PAK2: variants seen among roughly 807,000 people sequenced by gnomAD.
PAK2 encodes p21 (RAC1) activated kinase 2.
In PAK2, 21 loss-of-function variants were observed where a neutral mutation model predicts 65.9. That is an observed-to-expected ratio of 0.32 (90% CI 0.23 to 0.46). The LOEUF (loss-of-function observed/expected upper bound fraction) is 0.46, where lower values mean the gene tolerates loss of function less well. Among genes scored for constraint, PAK2 ranks in the 20% least tolerant of loss-of-function variants. The pLI, the probability that PAK2 is intolerant of heterozygous loss-of-function variation, is 1.00. For synonymous variants in PAK2, 204 were observed against 219.7 expected, an observed-to-expected ratio of 0.93 and a Z score of 0.63; for missense variants, 324 against 642.6, an observed-to-expected ratio of 0.50 and a Z score of 5.36.
chr3:196,828,299 T>C lies in PAK2; in HGVS notation c.1489-20T>C, dbSNP rs543859259. 2.7e-6 allele frequency: 4 copies of C among 1,472,116 alleles called. No homozygotes were observed. The South Asian group carries it at 4.6e-5, about 17-fold the overall frequency. 91.2% of individuals were successfully genotyped at this position (1,472,116 alleles called of 1,614,324 possible). ...GATGAATGGCACTTATACATTTATT[T>C]TTCCCCTTCTTTCTGGCAGCATCCT... On this transcript the variant is annotated intron_variant, in intron 14 of 14. Transcript: ENST00000327134.
At chr3:196,777,995 C>T (rs1294076098) in intron 1 of PAK2, among the ~76,000 whole-genome samples, 1 of 152,178 alleles carries the variant, frequency 6.6e-6, no homozygotes, top group Non-Finnish European at 1.5e-5. Flanking sequence ...CATACCGGAA[C>T]ATTTGCGTCC....
At chr3:196,769,504 C>T (rs1414008969) in intron 1 of PAK2, among the ~76,000 whole-genome samples, 1 of 151,866 alleles carries the variant, frequency 6.6e-6, no homozygotes, top group African/African-American at 2.4e-5. Context: ...GCATTTTCAT[C>T]ATCCCAAGCA....
intron 2 of PAK2, among the ~76,000 whole-genome samples, chr3:196,799,113 A>G (rs755151379): frequency 6.6e-6 from 1 of 152,188 alleles, no homozygotes; most frequent in Non-Finnish European, 1.5e-5. Context: ...AGTAAACTTG[A>G]TTTTATTCAC....
chr3:196,781,962 C>T (rs998129356), intron 1 of PAK2, among the ~76,000 whole-genome samples: 3 of 152,034 alleles, frequency 2.0e-5, no homozygotes, highest in Non-Finnish European at 4.4e-5. Context: ...AAAAATTAGC[C>T]GAAAGTGGTG....
In PAK2 at chr3:196,812,196, GGTTGT is replaced by G. The variant is rs1010844597; in HGVS notation, c.774-20_774-16del. On this transcript the variant is annotated intron_variant, in intron 8 of 14. Transcript: ENST00000327134. ...CTAGTGATTTATCAACCTTAAATCT[GGTTGT>G]GTGTTTTCTCCCTCTAGGGCTTCTG... The G allele has an allele frequency of 2.8e-6, 4 of 1,424,064 alleles. No homozygotes were observed. The African/African-American group carries it at 4.2e-5, about 15-fold the overall frequency. The allele number at this position is 1,424,064 out of a possible 1,614,324, so 88.2% of individuals were successfully genotyped here.
intron 1 of PAK2, among the ~76,000 whole-genome samples, chr3:196,763,497 G>A (rs917691784): frequency 5.9e-5 from 9 of 152,014 alleles, no homozygotes; most frequent in Non-Finnish European, 1.2e-4. Context: ...ATCCGTTTTC[G>A]GAATGGACAG....
intron 1 of PAK2, among the ~76,000 whole-genome samples, chr3:196,755,366 C>CG (rs1713733218): frequency 6.6e-6 from 1 of 152,122 alleles, no homozygotes; most frequent in Non-Finnish European, 1.5e-5. Flanking sequence ...ACCCTCCCTC[C>CG]CCATTTTTCC....
intron 1 of PAK2, among the ~76,000 whole-genome samples, chr3:196,762,940 A>T (rs753545290): frequency 6.6e-6 from 1 of 152,234 alleles, no homozygotes; most frequent in South Asian, 2.1e-4. Context: ...ATGAAAAAAC[A>T]TAATTGACTG....
chr3:196,745,661 A>C (rs1313073311), intron 1 of PAK2, among the ~76,000 whole-genome samples: 1 of 152,084 alleles, frequency 6.6e-6, no homozygotes, highest in Non-Finnish European at 1.5e-5. Context: ...GAAAACACAA[A>C]AAATTAGCTG....
intron 13 of PAK2, among the ~76,000 whole-genome samples, chr3:196,823,027 A>G (rs184454350): frequency 3.8e-4 from 58 of 152,204 alleles, no homozygotes; most frequent in African/African-American, 1.0e-3. Context: ...AAATGGGGAA[A>G]CTGTTAGAGA....
At chr3:196,749,256 A>G (rs984753518) in intron 1 of PAK2, among the ~76,000 whole-genome samples, 2 of 152,136 alleles carry the variant, frequency 1.3e-5, no homozygotes, top group Non-Finnish European at 1.5e-5. Flanking sequence ...TATTTCGGGT[A>G]CATACCCAGA....
At chr3:196,779,526 CA>C (rs1714640033) in intron 1 of PAK2, among the ~76,000 whole-genome samples, 1 of 152,108 alleles carries the variant, frequency 6.6e-6, no homozygotes, top group Non-Finnish European at 1.5e-5. Flanking sequence ...TGCTGTTAAC[CA>C]AAAAACTGGA....
chr3:196,759,397 GT>G (rs1175559528), intron 1 of PAK2, among the ~76,000 whole-genome samples: 8 of 147,592 alleles, frequency 5.4e-5, no homozygotes, highest in Non-Finnish European at 8.9e-5. Flanking sequence ...GGCCCAATTG[GT>G]TTCTTTCTTT....
At position 196,805,399 on chromosome 3, in the gene PAK2, T is replaced by C; in HGVS notation, c.468+16T>C. 2 of 1,221,948 alleles carry C rather than the reference T, an allele frequency of 1.6e-6. No individual in the cohort carries two copies. The allele number at this position is 1,221,948 out of a possible 1,614,324, so 75.7% of individuals were successfully genotyped here. A position where few individuals can be genotyped will look rare whatever the true frequency, so the allele number is the denominator to read the frequency against. On this transcript the variant is annotated intron_variant, in intron 5 of 14. Transcript: ENST00000327134. ...AACACCAGCAGTAAGTTAATTATAT[T>C]ATTTCTTGTATCTCTTGTTCTAATT...
intron 2 of PAK2, among the ~76,000 whole-genome samples, chr3:196,789,993 G>T (rs948343636): frequency 6.6e-6 from 1 of 152,176 alleles, no homozygotes; most frequent in African/African-American, 2.4e-5. Context: ...CTCACCTCCT[G>T]CTGTGCCACC....
At chr3:196,821,351 C>A (rs1366177201) in intron 13 of PAK2, among the ~76,000 whole-genome samples, 1 of 150,758 alleles carries the variant, frequency 6.6e-6, no homozygotes. Flanking sequence ...AAAAACCCCA[C>A]CACAACAGGA....
chr3:196,803,620 T>G (rs1020429344), intron 4 of PAK2, among the ~76,000 whole-genome samples: 5 of 152,162 alleles, frequency 3.3e-5, no homozygotes, highest in African/African-American at 1.2e-4. Flanking sequence ...GTGCAGATAA[T>G]AGAATATATG....
rs1258632034 is a variant in PAK2, at chr3:196,831,817, ATAT to A, written c.*3416_*3418del. 4.6e-5 allele frequency: 7 copies of A among 152,290 alleles called. No homozygotes were observed. The highest frequency in any genetic ancestry group is 4.1e-4 in the South Asian group (2 of 4,826). 9.4% of individuals were successfully genotyped at this position (152,290 alleles called of 1,614,324 possible). On this transcript the variant is annotated 3_prime_UTR_variant, in exon 15 of 15. Coordinates refer to ENST00000327134, the MANE Select transcript of PAK2 (RefSeq NM_002577.4). Reference sequence around the variant, plus strand: ...CATCTAGTGAAATGTCAGTGTCAAAATATTATAGATTATAGCTAAAATCCAGAT... The same window carrying A: ...CATCTAGTGAAATGTCAGTGTCAAAATATAGATTATAGCTAAAATCCAGAT...
chr3:196,776,981 A>G (rs1473155409), intron 1 of PAK2, among the ~76,000 whole-genome samples: 1 of 152,202 alleles, frequency 6.6e-6, no homozygotes, highest in Non-Finnish European at 1.5e-5. Flanking sequence ...ATTTCAGCTA[A>G]AACAACTCAG....
Sources: gnomAD v4.1 joint callset for allele counts (sites outside exome capture counted in the v4.1 genomes callset) on GRCh38, gnomAD v4.1.1 for gene constraint, MANE v1.5 for transcripts, NCBI Gene and HGNC (gene_info 2026-07-23, HGNC 2026-07-21) for gene names.